Variants in PAK6 observed in about 807,000 individuals in gnomAD.
The protein encoded by PAK6 is p21 (RAC1) activated kinase 6.
A neutral mutation model predicts 60.8 loss-of-function variants in PAK6; 33 were observed. The ratio of observed to expected loss-of-function variants is 0.54; its 90% CI spans 0.41 to 0.73. The LOEUF is 0.73. PAK6 is among the 30% of genes least tolerant of loss of function. PAK6 has a pLI of 0.00. For missense variants in PAK6, 845 were observed against 904.1 expected (o/e 0.93, Z 0.84); for synonymous variants, 404 against 378.5 (o/e 1.07, Z -0.78).
intron 2 of PAK6, among the ~76,000 whole-genome samples, chr15:40,249,501 C>T (rs2038600909): frequency 6.6e-6 from 1 of 152,170 alleles, no homozygotes. Context: ...GGGCCTGGCC[C>T]ACGGGAAGCA....
At chr15:40,256,952 C>T (rs940044443) in intron 3 of PAK6, 4 of 152,256 alleles carry the variant, frequency 2.6e-5, no homozygotes, top group Non-Finnish European at 2.9e-5. Context: ...ATTAATCCAT[C>T]CCTTGTCATC....
chr15:40,275,491 G>T (rs1259588891), intron 10 of PAK6, among the ~76,000 whole-genome samples: 1 of 151,764 alleles, frequency 6.6e-6, no homozygotes, highest in East Asian at 1.9e-4. Flanking sequence ...TCGCCATGTT[G>T]GTCAGGCTGG....
At chr15:40,265,021 C>T (rs1182005443) in intron 4 of PAK6, 32 bp downstream of exon 4, 12 of 1,594,090 alleles carry the variant, frequency 7.5e-6, no homozygotes, top group Non-Finnish European at 1.0e-5. Flanking sequence ...GAGGTTCAGC[C>T]TCTCCCAGTA....
At chr15:40,245,830 C>G (rs1315598152) in intron 2 of PAK6, 2 of 152,390 alleles carry the variant, frequency 1.3e-5, no homozygotes, top group Non-Finnish European at 2.9e-5. Flanking sequence ...GAACCCCCAC[C>G]CCCGTGCTAC....
exon 5 of PAK6, chr15:40,266,227 C>T: frequency 1.2e-6 from 2 of 1,610,144 alleles, no homozygotes; most frequent in East Asian, 2.2e-5. Context: ...CAGCTGGGTG[C>T]CTGCCTGCAG....
At position 40,240,670 on chromosome 15, in the gene PAK6, G is replaced by T. The variant is rs1332083485; in HGVS notation, c.-129G>T. The T allele has an allele frequency of 2.2e-6, 1 of 445,640 alleles. No individual in the cohort carries two copies. Among genetic ancestry groups the T allele is most frequent in the Non-Finnish European group, 4.4e-6 (1 of 224,888 alleles). 27.6% of individuals were successfully genotyped at this position (445,640 alleles called of 1,614,324 possible). On this transcript the variant is annotated 5_prime_UTR_variant, in exon 2 of 11. In the 5' UTR this introduces an upstream ATG that the reference lacks. Transcript: ENST00000560346. ...GAACGCAGGACCCCGCTGCCCAGAA[G>T]GAGCAGCCACGGTAAGGTCCCCACT...
At chr15:40,241,840 T>G (rs982203776) in intron 2 of PAK6, among the ~76,000 whole-genome samples, 1 of 152,200 alleles carries the variant, frequency 6.6e-6, no homozygotes, top group African/African-American at 2.4e-5. Context: ...TCCCCTGCCC[T>G]GGAGGAGCAC....
In PAK6 at chr15:40,240,700, C is replaced by A; in HGVS notation, c.-118+19C>A. ...AGCCACGGTAAGGTCCCCACTGCCG[C>A]TGCGTGCTCCGGATTCCTGGGCTAG... On this transcript the variant is annotated intron_variant, in intron 2 of 10. Transcript: ENST00000560346. 1 of 439,808 alleles carries A rather than the reference C, an allele frequency of 2.3e-6. No individual in the cohort carries two copies. The highest frequency in any genetic ancestry group is 2.6e-5 in the Admixed American group (1 of 39,194). The allele number at this position is 439,808 out of a possible 1,614,324, so 27.2% of individuals were successfully genotyped here.
chr15:40,273,779 T>C lies in PAK6; in HGVS notation c.1743+103T>C, dbSNP rs972743974. 2.5e-5 allele frequency: 35 copies of C among 1,382,510 alleles called. No individual in the cohort carries two copies. In the African/African-American group the frequency reaches 3.6e-4, roughly 14 times the overall value. The allele number at this position is 1,382,510 out of a possible 1,614,324, so 85.6% of individuals were successfully genotyped here. A position where few individuals can be genotyped will look rare whatever the true frequency, so the allele number is the denominator to read the frequency against. ...TGAGCTCACCAAAAGCAGCCCTGGT[T>C]TTCAGAGTCCCACCTAGTCAACACC... is the stretch of plus-strand genomic sequence containing the variant. On this transcript the variant is annotated intron_variant, in intron 9 of 10. Coordinates refer to ENST00000560346, the Ensembl canonical transcript of PAK6.
intron 5 of PAK6, among the ~76,000 whole-genome samples, chr15:40,271,940 C>T (rs1036125579): frequency 1.1e-4 from 16 of 152,180 alleles, no homozygotes; most frequent in Non-Finnish European, 1.6e-4. Flanking sequence ...CAGGACCCGG[C>T]GGGGAGCTGG....
intron 2 of PAK6, among the ~76,000 whole-genome samples, chr15:40,249,100 C>T (rs1332481936): frequency 6.6e-6 from 1 of 152,170 alleles, no homozygotes; most frequent in African/African-American, 2.4e-5. Flanking sequence ...CTTCCAGGTT[C>T]AGAGCTGGCT....
At position 40,274,173 on chromosome 15, in the gene PAK6, T is replaced by C. The variant is rs767753997; in HGVS notation, c.1775T>C (p.Ile592Thr). 4 of 1,613,982 alleles carry C rather than the reference T, an allele frequency of 2.5e-6. No individual in the cohort carries two copies. The highest frequency in any genetic ancestry group is 4.5e-5 in the East Asian group (2 of 44,874). Residue 592 changes from isoleucine (I) to threonine (T), a missense_variant, in exon 10 of 11, where the codon ATT becomes ACT. Ile to Thr is a moderately conservative substitution (Grantham distance 89). Coordinates refer to ENST00000560346, the Ensembl canonical transcript of PAK6. Reference sequence around the variant, plus strand: ...ATCTGGTCTCTGGGCATCATGGTGATTGAGATGGTAGATGGGGAGCCACCG... The same window carrying C: ...ATCTGGTCTCTGGGCATCATGGTGACTGAGATGGTAGATGGGGAGCCACCG...
At chr15:40,265,548 TCCCTGGCCCAGCCGACCACAC>T (rs1230479754) in intron 4 of PAK6, among the ~76,000 whole-genome samples, 3 of 151,980 alleles carry the variant, frequency 2.0e-5, no homozygotes, top group African/African-American at 7.3e-5. Context: ...GAGCTCCAGC[TCCCTGGCCCAGCCGACCACAC>T]CCCTGGGCAT....
chr15:40,272,754 G>A (rs755423372), intron 6 of PAK6, 33 bp downstream of exon 6: 40 of 1,577,584 alleles, frequency 2.5e-5, no homozygotes, highest in East Asian at 9.0e-5. Context: ...AGACGGGGGC[G>A]TTGGGGATGG....
intron 3 of PAK6, chr15:40,263,838 A>AAC: frequency 2.2e-6 from 1 of 447,200 alleles, no homozygotes; most frequent in East Asian, 7.0e-5. Flanking sequence ...GCTGGTCTCA[A>AAC]ACTCCTGACC....
chr15:40,240,341 G>A (rs565029579), intron 1 of PAK6, among the ~76,000 whole-genome samples: 2 of 152,286 alleles, frequency 1.3e-5, no homozygotes, highest in Admixed American at 6.5e-5. Context: ...AGGACCCAGC[G>A]GGTGCCACCC....
chr15:40,252,679 TCC>T lies in PAK6; in HGVS notation c.-117-497_-117-496del, dbSNP rs757679076. ...CGACCTCTTCGAGCGTTCCTGGGCT[TCC>T]CGCTCCGCAGGTGGGTTCCCCGGCT... On this transcript the variant is annotated intron_variant, in intron 2 of 10. Transcript: ENST00000560346. 6.1e-6 allele frequency: 8 copies of T among 1,311,650 alleles called. No individual in the cohort carries two copies. In the South Asian group the frequency reaches 8.5e-5, roughly 14 times the overall value. The allele number at this position is 1,311,650 out of a possible 1,614,324, so 81.3% of individuals were successfully genotyped here.
intron 2 of PAK6, among the ~76,000 whole-genome samples, chr15:40,242,507 G>T (rs1406585642): frequency 1.3e-5 from 2 of 152,228 alleles, no homozygotes; most frequent in Admixed American, 6.5e-5. Flanking sequence ...CTGGCCGCCT[G>T]CACCTACCGG....
intron 2 of PAK6, among the ~76,000 whole-genome samples, chr15:40,248,847 A>G (rs1450439488): frequency 6.6e-6 from 1 of 152,148 alleles, no homozygotes; most frequent in African/African-American, 2.4e-5. Flanking sequence ...CCGTTCAAAC[A>G]TTCCATGGCA....
Sources: allele counts gnomAD v4.1 joint callset (sites outside exome capture counted in the v4.1 genomes callset), GRCh38; gene constraint gnomAD v4.1.1; transcripts MANE v1.5; gene names NCBI Gene and HGNC (gene_info 2026-07-23, HGNC 2026-07-21).